The following SORCS3 variants were observed in gnomAD, a reference collection of about 807,000 sequenced individuals.
SORCS3 encodes VPS10 domain-containing receptor SorCS3.
A neutral mutation model predicts 146.3 loss-of-function variants in SORCS3; 57 were observed. The observed-to-expected ratio is 0.39, with a 90% confidence interval of 0.31 to 0.49. The LOEUF (loss-of-function observed/expected upper bound fraction) is 0.49. SORCS3 is among the 20% of genes least tolerant of loss of function. The pLI is 0.92. For missense variants in SORCS3, 1,341 were observed against 1,575.5 expected, an observed-to-expected ratio of 0.85 and a Z score of 2.52; for synonymous variants, 653 against 618.5, an observed-to-expected ratio of 1.06 and a Z score of -0.83.
chr10:105,259,544 C>G (rs149625054), intron 25 of SORCS3, among the ~76,000 whole-genome samples: 1 of 152,162 alleles, frequency 6.6e-6, no homozygotes, highest in Non-Finnish European at 1.5e-5. Flanking sequence ...CCTGGCCTCT[C>G]GCAGGCTCTC....
chr10:105,103,768 A>G (rs1203313731), intron 6 of SORCS3, among the ~76,000 whole-genome samples: 5 of 152,230 alleles, frequency 3.3e-5, no homozygotes, highest in Non-Finnish European at 7.3e-5. Flanking sequence ...CATTGCTCAA[A>G]TTTGAACATT....
At chr10:104,970,897 T>C (rs2054856895) in intron 3 of SORCS3, among the ~76,000 whole-genome samples, 1 of 152,200 alleles carries the variant, frequency 6.6e-6, no homozygotes, top group Admixed American at 6.6e-5. Context: ...TTTTATAAGG[T>C]ATGGAAATTT....
At chr10:104,953,241 C>T (rs905088527) in intron 3 of SORCS3, among the ~76,000 whole-genome samples, 1 of 152,204 alleles carries the variant, frequency 6.6e-6, no homozygotes, top group Admixed American at 6.5e-5. Context: ...GGTGAAGGCT[C>T]TGCTGAATTA....
chr10:105,146,652 T>A (rs1022157631), intron 8 of SORCS3, among the ~76,000 whole-genome samples: 1 of 152,064 alleles, frequency 6.6e-6, no homozygotes, highest in Non-Finnish European at 1.5e-5. Flanking sequence ...CTGGAAACCA[T>A]CCATTATGTT....
chr10:105,109,863 A>T (rs1203374314), intron 7 of SORCS3, among the ~76,000 whole-genome samples: 1 of 152,092 alleles, frequency 6.6e-6, no homozygotes, highest in African/African-American at 2.4e-5. Context: ...GTTGGCCATA[A>T]TGTACTGATT....
intron 3 of SORCS3, among the ~76,000 whole-genome samples, chr10:104,950,035 T>C (rs1022884409): frequency 6.6e-6 from 1 of 152,232 alleles, no homozygotes; most frequent in Non-Finnish European, 1.5e-5. Context: ...ATGGGCAGCA[T>C]TGATCTGAGA....
chr10:105,173,243 CAG>C (rs2056374118), intron 13 of SORCS3, among the ~76,000 whole-genome samples: 1 of 151,716 alleles, frequency 6.6e-6, no homozygotes, highest in South Asian at 2.1e-4. Flanking sequence ...ACCCAGGAGG[CAG>C]AGATTGCAGT....
chr10:105,050,565 C>T (rs2055403671), intron 5 of SORCS3, among the ~76,000 whole-genome samples: 1 of 152,054 alleles, frequency 6.6e-6, no homozygotes, highest in South Asian at 2.1e-4. Flanking sequence ...TCCAGTCAAG[C>T]CTTCATATGA....
intron 4 of SORCS3, among the ~76,000 whole-genome samples, chr10:105,023,560 T>C (rs1237355848): frequency 6.6e-6 from 1 of 152,144 alleles, no homozygotes; most frequent in African/African-American, 2.4e-5. Flanking sequence ...GTTTTTTGCT[T>C]GGGGCTATCA....
chr10:104,844,481 C>G (rs1212855994), intron 2 of SORCS3, among the ~76,000 whole-genome samples: 1 of 152,114 alleles, frequency 6.6e-6, no homozygotes, highest in Non-Finnish European at 1.5e-5. Context: ...TGCTAGAGGC[C>G]TTCAAGTTAT....
intron 2 of SORCS3, among the ~76,000 whole-genome samples, chr10:104,893,718 A>G (rs2018771408): frequency 6.6e-6 from 1 of 152,146 alleles, no homozygotes; most frequent in Non-Finnish European, 1.5e-5. Flanking sequence ...TCTGCTCTGC[A>G]TGTCGCAAAG....
At chr10:105,207,647 G>C (rs887984220) in intron 16 of SORCS3, among the ~76,000 whole-genome samples, 1 of 152,164 alleles carries the variant, frequency 6.6e-6, no homozygotes, top group East Asian at 1.9e-4. Context: ...AGATTGAGCT[G>C]TATGAGATAT....
chr10:105,118,114 T>G (rs1373031274), intron 7 of SORCS3, among the ~76,000 whole-genome samples: 1 of 152,210 alleles, frequency 6.6e-6, no homozygotes, highest in Non-Finnish European at 1.5e-5. Context: ...AATCTCATCT[T>G]GAATTATAGT....
rs1442582951 is a variant in SORCS3, at chr10:105,265,214, A to G, written c.*1840A>G. ...AGACAGTGGTTTTGAAATTGTTGAA[A>G]ATAAATGTATTTTTGTACATCAAAG... On this transcript the variant is annotated 3_prime_UTR_variant, in exon 27 of 27. Coordinates refer to ENST00000369701, the MANE Select transcript of SORCS3 (RefSeq NM_014978.3). The G allele has an allele frequency of 6.6e-6, 1 of 152,608 alleles. No homozygotes were observed. Among genetic ancestry groups the G allele is most frequent in the Non-Finnish European group, 1.5e-5 (1 of 68,044 alleles). The allele number at this position is 152,608 out of a possible 1,614,324, so 9.5% of individuals were successfully genotyped here. A position where few individuals can be genotyped will look rare whatever the true frequency, so the allele number is the denominator to read the frequency against.
At chr10:105,133,662 C>T (rs184922268) in intron 7 of SORCS3, among the ~76,000 whole-genome samples, 1 of 152,268 alleles carries the variant, frequency 6.6e-6, no homozygotes, top group African/African-American at 2.4e-5. Context: ...TAGCACCAGA[C>T]TAGATGCAGT....
intron 2 of SORCS3, among the ~76,000 whole-genome samples, chr10:104,896,319 AAT>A (rs1307824912): frequency 6.6e-6 from 1 of 152,216 alleles, no homozygotes; most frequent in Non-Finnish European, 1.5e-5. Context: ...CCTTGGCCTT[AAT>A]AAAGAATCAC....
chr10:104,760,236 C>T (rs181947369), intron 1 of SORCS3, among the ~76,000 whole-genome samples: 151 of 152,270 alleles, frequency 9.9e-4, no homozygotes, highest in Non-Finnish European at 1.8e-3. Context: ...CAGGGCCAGA[C>T]TGTGAACTTA....
intron 8 of SORCS3, among the ~76,000 whole-genome samples, chr10:105,146,469 G>A (rs2056131988): frequency 6.6e-6 from 1 of 152,044 alleles, no homozygotes; most frequent in Non-Finnish European, 1.5e-5. Context: ...CGGACCGTAA[G>A]AACATATGGA....
intron 1 of SORCS3, among the ~76,000 whole-genome samples, chr10:104,660,039 C>T (rs370335061): frequency 4.5e-4 from 68 of 152,204 alleles, no homozygotes; most frequent in African/African-American, 1.4e-3. Context: ...TAGCAATAGC[C>T]CTTCCTTTCT....
Sources: allele counts gnomAD v4.1 joint callset (sites outside exome capture counted in the v4.1 genomes callset), GRCh38; gene constraint gnomAD v4.1.1; transcripts MANE v1.5; gene names NCBI Gene and HGNC (gene_info 2026-07-23, HGNC 2026-07-21).